BAZ2B: variants seen among roughly 807,000 people sequenced by gnomAD.
The protein encoded by BAZ2B is bromodomain adjacent to zinc finger domain protein 2B.
A neutral mutation model predicts 246.0 loss-of-function variants in BAZ2B; 91 were observed. That is an observed-to-expected ratio of 0.37 (90% confidence interval 0.31 to 0.44). The LOEUF (loss-of-function observed/expected upper bound fraction) is 0.44, where lower values mean the gene tolerates loss of function less well. Ranked by LOEUF, BAZ2B falls within the 20% of genes least tolerant of loss-of-function variation. The pLI, the probability that BAZ2B is intolerant of heterozygous loss-of-function variation, is 1.00. For synonymous variants in BAZ2B, 855 were observed against 860.0 expected (o/e 0.99, Z 0.10); for missense variants, 2,332 against 2,533.7 (o/e 0.92, Z 1.71).
At chr2:159,542,762 G>A (rs1407167226) in intron 2 of BAZ2B, among the ~76,000 whole-genome samples, 1 of 152,012 alleles carries the variant, frequency 6.6e-6, no homozygotes, top group Non-Finnish European at 1.5e-5. Flanking sequence ...AAAATCCAAA[G>A]AACTATTAAC....
At chr2:159,448,045 G>C (rs1177608133) in intron 5 of BAZ2B, among the ~76,000 whole-genome samples, 197 bp downstream of exon 5, 1 of 152,026 alleles carries the variant, frequency 6.6e-6, no homozygotes, top group Non-Finnish European at 1.5e-5. Flanking sequence ...GATTGCTTGA[G>C]CCCAGGAGGA....
At chr2:159,364,026 G>C (rs2059976302) in intron 27 of BAZ2B, among the ~76,000 whole-genome samples, 1 of 152,168 alleles carries the variant, frequency 6.6e-6, no homozygotes, top group Admixed American at 6.6e-5. Context: ...TTGTGAGTTT[G>C]AGTCAACTCT....
rs1408270462 is a variant in BAZ2B, at chr2:159,573,330, G to A, written c.-45-17465C>T. Among the ~76,000 whole-genome samples the A allele has an allele frequency of 3.9e-5, 6 of 152,264 alleles. No homozygotes were observed. In the East Asian group the frequency reaches 9.6e-4, roughly 24 times the overall value. On this transcript the variant is annotated intron_variant, in intron 1 of 36. Coordinates refer to ENST00000392783, the MANE Select transcript of BAZ2B (RefSeq NM_013450.4). ...GCTAGACCTTTAGATCAACAGAATA[G>A]AATTGAGATTCAAGAAACAAACCCT...
intron 27 of BAZ2B, among the ~76,000 whole-genome samples, chr2:159,358,093 G>A (rs2059306778): frequency 6.6e-6 from 1 of 152,108 alleles, no homozygotes; most frequent in Admixed American, 6.5e-5. Context: ...ATAATGACAG[G>A]ATCAAATTCA....
the BAZ2B span, among the ~76,000 whole-genome samples, chr2:159,668,379 T>C: frequency 6.6e-6 from 1 of 152,192 alleles, no homozygotes; most frequent in Non-Finnish European, 1.5e-5. Flanking sequence ...GAGGTCATTC[T>C]TTCCATGTTT....
At chr2:159,692,146 C>A in the BAZ2B span, among the ~76,000 whole-genome samples, 1 of 151,564 alleles carries the variant, frequency 6.6e-6, no homozygotes, top group African/African-American at 2.4e-5. Flanking sequence ...ATATACCTAA[C>A]TTTTTCTTAA....
At chr2:159,625,942 A>G in the BAZ2B span, among the ~76,000 whole-genome samples, 87 of 152,196 alleles carry the variant, frequency 5.7e-4, no homozygotes, top group African/African-American at 2.0e-3. Context: ...CTCACATGCA[A>G]AGATGCACAC....
At chr2:159,598,244 A>G (rs182217047) in intron 1 of BAZ2B, among the ~76,000 whole-genome samples, 1 of 151,906 alleles carries the variant, frequency 6.6e-6, no homozygotes, top group Admixed American at 6.6e-5. Context: ...CACCCACCTC[A>G]GCCTCCCAAA....
At chr2:159,372,423 C>G (rs2060949930) in intron 27 of BAZ2B, among the ~76,000 whole-genome samples, 2 of 152,196 alleles carry the variant, frequency 1.3e-5, no homozygotes, top group African/African-American at 4.8e-5. Context: ...ACATGGAGCT[C>G]TGAAAAGTTA....
chr2:159,496,065 A>G (rs993772220), intron 2 of BAZ2B, among the ~76,000 whole-genome samples: 3 of 146,624 alleles, frequency 2.0e-5, no homozygotes, highest in Non-Finnish European at 4.5e-5. Context: ...CACCGCGCCC[A>G]GCCAGAAGAA....
rs528496707 is a variant in BAZ2B at position 159,520,930 on chromosome 2, C to T, written c.-3+34893G>A. Among the ~76,000 whole-genome samples the T allele has an allele frequency of 5.9e-5, 9 of 152,176 alleles. No individual in the cohort carries two copies. The East Asian group carries it at 1.5e-3, about 26-fold the overall frequency. On this transcript the variant is annotated intron_variant, in intron 2 of 36. Coordinates refer to ENST00000392783, the MANE Select transcript of BAZ2B (RefSeq NM_013450.4). ...ATTTATGAAGCTTATTACTTTATTA[C>T]CATTCAAAGAATTCTTCCAATGTGT...
intron 13 of BAZ2B, among the ~76,000 whole-genome samples, chr2:159,420,089 G>C (rs2068462367): frequency 6.6e-6 from 1 of 152,160 alleles, no homozygotes; most frequent in East Asian, 1.9e-4. Context: ...ATCTTCCTCA[G>C]AGAATAAGCT....
the BAZ2B span, among the ~76,000 whole-genome samples, chr2:159,648,169 A>G: frequency 6.6e-6 from 1 of 151,824 alleles, no homozygotes. Flanking sequence ...AAAGAGTCTC[A>G]CTCTGTCATC....
At chr2:159,588,494 G>A in intron 1 of BAZ2B, among the ~76,000 whole-genome samples, 1 of 123,552 alleles carries the variant, frequency 8.1e-6, no homozygotes, top group East Asian at 2.5e-4. Flanking sequence ...CTGCACTCCA[G>A]CCTAGGCAAC....
At chr2:159,505,667 C>CT (rs2082257432) in intron 2 of BAZ2B, among the ~76,000 whole-genome samples, 3 of 151,870 alleles carry the variant, frequency 2.0e-5, no homozygotes, top group Non-Finnish European at 4.4e-5. Context: ...AAAATATCTG[C>CT]TAATATAAAG....
intron 1 of BAZ2B, among the ~76,000 whole-genome samples, chr2:159,574,178 A>C (rs957442810): frequency 3.3e-5 from 5 of 151,612 alleles, no homozygotes; most frequent in Admixed American, 6.6e-5. Flanking sequence ...CACACAGCAC[A>C]ATTTTAAAAT....
At chr2:159,447,006 A>T (rs775813860) in intron 5 of BAZ2B, 31 bp from the exon 6 acceptor site, 1 of 1,417,212 alleles carries the variant, frequency 7.1e-7, no homozygotes, top group East Asian at 2.4e-5. Context: ...TGTTTATACA[A>T]TGGAATATTA....
chr2:159,430,977 T>C lies in BAZ2B; in HGVS notation c.2080A>G (p.Asn694Asp), dbSNP rs773174269. The change falls in exon 10 of 37, where the codon AAC becomes GAC. Residue 694 changes from asparagine to aspartate, a missense_variant. Asn to Asp is a conservative substitution (Grantham distance 23). Transcript: ENST00000392783. ...CCTGGGGCTTTTGCTATGTGGAGGT[T>C]ACGAGGTGTTGAGTGACCTGTGAGA... ...MSLTGHSTPR[N>D]LHIAKAPGSA... The C allele has an allele frequency of 5.6e-6, 9 of 1,614,024 alleles. No homozygotes were observed. The highest frequency in any genetic ancestry group is 7.6e-6 in the Non-Finnish European group (9 of 1,179,916).
intron 17 of BAZ2B, among the ~76,000 whole-genome samples, chr2:159,399,705 A>T (rs1273356085): frequency 6.6e-6 from 1 of 152,178 alleles, no homozygotes; most frequent in African/African-American, 2.4e-5. Flanking sequence ...TGTTTCTAGA[A>T]GGAATAAAAC....
Sources: allele counts gnomAD v4.1 joint callset (sites outside exome capture counted in the v4.1 genomes callset), GRCh38; gene constraint gnomAD v4.1.1; transcripts MANE v1.5; gene names NCBI Gene and HGNC (gene_info 2026-07-23, HGNC 2026-07-21).